KCNK2: variants seen among roughly 807,000 people sequenced by gnomAD.
KCNK2 encodes the protein potassium two pore domain channel subfamily K member 2.
Under a neutral mutation model 40.5 loss-of-function variants are expected in KCNK2, and 21 were observed. The ratio of observed to expected loss-of-function variants is 0.52; its 90% CI spans 0.37 to 0.75. KCNK2 has a LOEUF of 0.75. Among genes scored for constraint, KCNK2 ranks in the 30% least tolerant of loss-of-function variants. KCNK2 has a pLI of 0.00. For synonymous variants in KCNK2, 191 were observed against 202.2 expected, an observed-to-expected ratio of 0.94 and a Z score of 0.47; for missense variants, 399 against 531.6, an observed-to-expected ratio of 0.75 and a Z score of 2.45.
chr1:215,095,906 C>A (rs1011510454), intron 2 of KCNK2, among the ~76,000 whole-genome samples: 1 of 152,022 alleles, frequency 6.6e-6, no homozygotes, highest in South Asian at 2.1e-4. Context: ...CACAAAAGGG[C>A]AAATAAAATA....
In KCNK2 at chr1:215,237,062, T is replaced by C. The variant is rs1413300615; in HGVS notation, c.*1917T>C. ...CGCCATGTATAAACTGTGAATTGTA[T>C]TGACAAATAAAGTTTGTAATTAAAG... On this transcript the variant is annotated 3_prime_UTR_variant, in exon 7 of 7. Coordinates refer to ENST00000444842, the MANE Select transcript of KCNK2 (RefSeq NM_001017425.3). 2 of 152,566 alleles carry C rather than the reference T, an allele frequency of 1.3e-5. No individual in the cohort carries two copies. Among genetic ancestry groups the C allele is most frequent in the African/African-American group, 2.4e-5 (1 of 41,430 alleles). 9.5% of individuals were successfully genotyped at this position (152,566 alleles called of 1,614,324 possible).
chr1:215,101,663 A>G (rs1660225463), intron 2 of KCNK2, among the ~76,000 whole-genome samples: 1 of 152,026 alleles, frequency 6.6e-6, no homozygotes, highest in South Asian at 2.1e-4. Context: ...AGGCAAATAC[A>G]GTCTCATGCC....
At chr1:215,230,965 AGC>A (rs1666637331) in intron 6 of KCNK2, among the ~76,000 whole-genome samples, 1 of 152,218 alleles carries the variant, frequency 6.6e-6, no homozygotes, top group Non-Finnish European at 1.5e-5. Flanking sequence ...AACAAGTCTG[AGC>A]TTTTCTTGCA....
intron 3 of KCNK2, 85 bp from the exon 4 acceptor site, chr1:215,169,114 A>G (rs1045153896): frequency 9.2e-7 from 1 of 1,083,066 alleles, no homozygotes; most frequent in African/African-American, 1.6e-5. Flanking sequence ...ATATCTTGCA[A>G]TTTTTTGGAG....
chr1:215,127,914 TTGTTTGTC>T (rs2102585293), intron 3 of KCNK2, among the ~76,000 whole-genome samples: 1 of 82,090 alleles, frequency 1.2e-5, no homozygotes, highest in Middle Eastern at 6.3e-3. Flanking sequence ...CATTGCCAGT[TTGTTTGTC>T]TATTTATTAA....
At chr1:215,022,941 C>T (rs1656859804) in intron 1 of KCNK2, among the ~76,000 whole-genome samples, 1 of 152,102 alleles carries the variant, frequency 6.6e-6, no homozygotes, top group Admixed American at 6.5e-5. Context: ...CTAAAAGAGA[C>T]TTTATTAGTG....
chr1:215,232,018 C>T (rs377389713), intron 6 of KCNK2, among the ~76,000 whole-genome samples: 1 of 152,224 alleles, frequency 6.6e-6, no homozygotes, highest in South Asian at 2.1e-4. Context: ...ATTATAGGAA[C>T]TACAATTCAA....
intron 2 of KCNK2, among the ~76,000 whole-genome samples, chr1:215,121,949 A>G (rs539210460): frequency 1.1e-4 from 16 of 152,320 alleles, no homozygotes; most frequent in Middle Eastern, 3.4e-3. Flanking sequence ...ACTGGCACAA[A>G]CAGAAGATCT....
At chr1:215,213,920 A>G (rs1039559714) in intron 6 of KCNK2, among the ~76,000 whole-genome samples, 5 of 152,294 alleles carry the variant, frequency 3.3e-5, no homozygotes, top group African/African-American at 1.2e-4. Flanking sequence ...TTTAATAAAT[A>G]TTCTATCTTA....
chr1:215,216,226 CT>C (rs940961411), intron 6 of KCNK2, among the ~76,000 whole-genome samples: 13 of 150,790 alleles, frequency 8.6e-5, no homozygotes, highest in African/African-American at 2.7e-4. Context: ...GATTTCTGAA[CT>C]TTTTTTTTAC....
intron 3 of KCNK2, among the ~76,000 whole-genome samples, chr1:215,168,737 A>C (rs905920945): frequency 2.6e-5 from 4 of 152,156 alleles, no homozygotes; most frequent in African/African-American, 9.7e-5. Flanking sequence ...GCATTAGGAC[A>C]AATAGCTAAT....
At chr1:215,188,421 T>C (rs996979738) in intron 5 of KCNK2, among the ~76,000 whole-genome samples, 5 of 152,188 alleles carry the variant, frequency 3.3e-5, no homozygotes, top group African/African-American at 1.2e-4. Flanking sequence ...TCAGTCTTCT[T>C]GGAATTACAT....
At chr1:215,161,174 A>G (rs971538363) in intron 3 of KCNK2, among the ~76,000 whole-genome samples, 2 of 152,146 alleles carry the variant, frequency 1.3e-5, no homozygotes, top group Non-Finnish European at 1.5e-5. Flanking sequence ...AGCCCAAACT[A>G]TTGAGCATGG....
At chr1:215,085,020 T>C (rs1354236154) in intron 1 of KCNK2, among the ~76,000 whole-genome samples, 1 of 152,368 alleles carries the variant, frequency 6.6e-6, no homozygotes, top group African/African-American at 2.4e-5. Context: ...AGCCTACAAT[T>C]AACTCACAGT....
At chr1:215,153,064 C>G (rs1662755089) in intron 3 of KCNK2, among the ~76,000 whole-genome samples, 1 of 152,174 alleles carries the variant, frequency 6.6e-6, no homozygotes, top group African/African-American at 2.4e-5. Flanking sequence ...CAAGTCTAAA[C>G]AGTTTAACTC....
At chr1:215,137,689 A>G (rs777589501) in intron 3 of KCNK2, among the ~76,000 whole-genome samples, 2 of 152,198 alleles carry the variant, frequency 1.3e-5, no homozygotes, top group Non-Finnish European at 2.9e-5. Context: ...ATGACTTTCT[A>G]ATAGATGAAT....
chr1:215,050,285 A>G (rs1258611817), intron 1 of KCNK2, among the ~76,000 whole-genome samples: 1 of 152,154 alleles, frequency 6.6e-6, no homozygotes, highest in African/African-American at 2.4e-5. Context: ...GTCAGTTTCT[A>G]CATGTTAGTA....
intron 1 of KCNK2, among the ~76,000 whole-genome samples, chr1:215,042,207 A>G (rs1298134246): frequency 6.6e-6 from 1 of 152,210 alleles, no homozygotes; most frequent in Non-Finnish European, 1.5e-5. Context: ...ATGCAGAAAG[A>G]CACAGATAGG....
chr1:215,087,198 C>T (rs536623945), intron 2 of KCNK2, among the ~76,000 whole-genome samples: 7 of 152,266 alleles, frequency 4.6e-5, no homozygotes, highest in East Asian at 1.9e-4. Flanking sequence ...AGATGGGTAC[C>T]GCTCAGGTCA....
Sources: gnomAD v4.1 joint callset for allele counts (sites outside exome capture counted in the v4.1 genomes callset) on GRCh38, gnomAD v4.1.1 for gene constraint, MANE v1.5 for transcripts, NCBI Gene and HGNC (gene_info 2026-07-23, HGNC 2026-07-21) for gene names.